Variants in ABCC6 observed in about 807,000 individuals in gnomAD.
ABCC6 encodes the protein ATP-binding cassette sub-family C member 6.
A neutral mutation model predicts 169.5 loss-of-function variants in ABCC6; 126 were observed. The observed-to-expected ratio is 0.74, with a 90% CI of 0.64 to 0.86. The LOEUF is 0.86. ABCC6 is among the 40% of genes least tolerant of loss of function. The pLI is 0.00. For synonymous variants in ABCC6, 752 were observed against 814.7 expected, an observed-to-expected ratio of 0.92 and a Z score of 1.31; for missense variants, 1,733 against 1,927.2, an observed-to-expected ratio of 0.90 and a Z score of 1.89.
rs193293588 is a variant in ABCC6, at chr16:16,193,250, A to G, written c.1339-328T>C. Reference sequence around the variant, plus strand: ...AGCGCCATGACAGTTTACAAATGCCATGGCAACATCAGGAAGTTACCCTAT... The same window carrying G: ...AGCGCCATGACAGTTTACAAATGCCGTGGCAACATCAGGAAGTTACCCTAT... On this transcript the variant is annotated intron_variant, in intron 10 of 30. Coordinates refer to ENST00000205557, the MANE Select transcript of ABCC6 (RefSeq NM_001171.6). 2.0e-4 allele frequency among the ~76,000 whole-genome samples: 31 copies of G among 152,340 alleles called. 1 individual carries two copies. In the East Asian group the frequency reaches 4.2e-3, roughly 21 times the overall value.
chr16:16,185,254 C>A (rs934077140), intron 14 of ABCC6, among the ~76,000 whole-genome samples: 1 of 152,206 alleles, frequency 6.6e-6, no homozygotes. Flanking sequence ...CAGGGGGAGG[C>A]AAACTGTGGC....
chr16:16,163,171 A>G lies in ABCC6; in HGVS notation c.3328T>C (p.Cys1110Arg). 1.9e-6 allele frequency: 3 copies of G among 1,613,584 alleles called. No individual in the cohort carries two copies. The highest frequency in any genetic ancestry group is 2.5e-6 in the Non-Finnish European group (3 of 1,180,020). The change falls in exon 24 of 31, where the codon TGC becomes CGC. Residue 1110 changes from cysteine (C) to arginine (R), a missense_variant. By Grantham distance (180) the Cys-to-Arg change is radical. This residue lies in a region of ABCC6 where 1,601 missense variants were observed against 1,635.5 expected (regional missense o/e 0.98). Transcript: ENST00000205557. ...GFQSLYVVSS[C>R]QLRRLESASY... ...GCTGACTCCAAGCGTCTCAGCTGGC[A>G]TGAGCTAACCACATACAGGCTCTGA...
intron 7 of ABCC6, among the ~76,000 whole-genome samples, chr16:16,203,833 A>T (rs1213825611): frequency 1.3e-5 from 2 of 152,104 alleles, no homozygotes; most frequent in African/African-American, 2.4e-5. Flanking sequence ...GAGGCCTCTT[A>T]GATGGCCATG....
chr16:16,222,563 T>C (rs2049109900), intron 1 of ABCC6, among the ~76,000 whole-genome samples: 1 of 151,574 alleles, frequency 6.6e-6, no homozygotes, highest in South Asian at 2.1e-4. Context: ...TTTTTTTTTA[T>C]GTTTTGTAGA....
chr16:16,197,484 AG>A (rs1442984989), intron 10 of ABCC6, among the ~76,000 whole-genome samples: 6 of 150,212 alleles, frequency 4.0e-5, no homozygotes, highest in Non-Finnish European at 8.9e-5. Context: ...AGAGAAGGAG[AG>A]GGAAGAGCAG....
Position 16,177,526 on chromosome 16 carries a change from T to C in ABCC6, c.2516A>G (p.Glu839Gly). ...GAIAEMGSYQELLQRKGALMC... is the reference protein window; with the variant it reads ...GAIAEMGSYQGLLQRKGALMC... ...GAGGGCCCCCTTCCTCTGCAGAAGC[T>C]CCTGGTAGGAACCCATCTCTGCGAT... Residue 839 changes from glutamate to glycine, a missense_variant, in exon 19 of 31, where the codon GAG (glutamate) becomes GGG (glycine). Physicochemically the swap from Glu to Gly is moderately conservative, Grantham distance 98. Transcript: ENST00000205557. 1 of 1,614,024 alleles carries C rather than the reference T, an allele frequency of 6.2e-7. No homozygotes were observed. Among genetic ancestry groups the C allele is most frequent in the Non-Finnish European group, 8.5e-7 (1 of 1,179,928 alleles).
intron 19 of ABCC6, 61 bp downstream of exon 19, chr16:16,177,391 G>T: frequency 6.3e-7 from 1 of 1,599,524 alleles, no homozygotes; most frequent in Non-Finnish European, 8.6e-7. Flanking sequence ...GACCCTTCGA[G>T]CCTTTTCCCC....
chr16:16,163,011 G>A lies in ABCC6; in HGVS notation c.3488C>T (p.Pro1163Leu), dbSNP rs142128765. The change falls in exon 24 of 31, where the codon CCG (proline) becomes CTG (leucine). Residue 1163 changes from proline to leucine, a missense_variant. Pro to Leu is a moderately conservative substitution (Grantham distance 98). Coordinates refer to ENST00000205557, the MANE Select transcript of ABCC6 (RefSeq NM_001171.6). ...TTCCTACCTGTCAGCCACCAGTCGCGGGAAACTGATCCTCTGGCTTTCATC... is the reference window on the plus strand; with the variant it reads ...TTCCTACCTGTCAGCCACCAGTCGCAGGAAACTGATCCTCTGGCTTTCATC... ...RVDESQRISF[P>L]RLVADRWLAA... 1.7e-5 allele frequency: 27 copies of A among 1,613,916 alleles called. No individual in the cohort carries two copies. Among genetic ancestry groups the A allele is most frequent in the East Asian group, 4.5e-5 (2 of 44,890 alleles).
At chr16:16,201,913 C>G (rs1567527701) in intron 9 of ABCC6, 88 bp downstream of exon 9, 22 of 1,428,874 alleles carry the variant, frequency 1.5e-5, no homozygotes, top group Non-Finnish European at 2.2e-5. Flanking sequence ...GGACTGAATG[C>G]GTTCTCAGCT....
Position 16,182,915 on chromosome 16 carries a change from C to T in ABCC6, c.1959G>A (p.Val653=). Reference sequence around the variant, plus strand: ...CAACAGCCAGCAGACAGCCCTGGGGCACCGTGAGGTTTATTCTGGACACGC... The same window carrying T: ...CAACAGCCAGCAGACAGCCCTGGGGTACCGTGAGGTTTATTCTGGACACGC... ...PPCLHRINLT[V]PQGCLLAVVG... is the part of the protein sequence containing the mutation. The change falls in exon 16 of 31, where the codon GTG becomes GTA. Residue 653 remains valine, a synonymous_variant. Coordinates refer to ENST00000205557, the MANE Select transcript of ABCC6 (RefSeq NM_001171.6). 2 of 1,614,078 alleles carry T rather than the reference C, an allele frequency of 1.2e-6. No homozygotes were observed. The highest frequency in any genetic ancestry group is 1.7e-6 in the Non-Finnish European group (2 of 1,179,972).
intron 13 of ABCC6, 36 bp from the exon 14 acceptor site, chr16:16,187,247 A>G: frequency 6.3e-7 from 1 of 1,576,654 alleles, no homozygotes; most frequent in Non-Finnish European, 8.7e-7. Flanking sequence ...CCCAGCAAGA[A>G]GAGCAAAGAA....
intron 1 of ABCC6, among the ~76,000 whole-genome samples, chr16:16,222,498 C>T (rs1240943066): frequency 6.6e-6 from 1 of 152,140 alleles, no homozygotes; most frequent in Non-Finnish European, 1.5e-5. Flanking sequence ...CCACCTCGGC[C>T]TCCCAGAGTG....
chr16:16,169,501 G>T (rs2046987805), intron 22 of ABCC6, 145 bp downstream of exon 22: 1 of 958,952 alleles, frequency 1.0e-6, no homozygotes, highest in Non-Finnish European at 1.6e-6. Context: ...TCATCTTAAG[G>T]ACGCAGATCT....
chr16:16,222,311 C>T (rs1273567926), intron 1 of ABCC6, among the ~76,000 whole-genome samples: 2 of 152,318 alleles, frequency 1.3e-5, no homozygotes, highest in African/African-American at 4.8e-5. Flanking sequence ...GACTCTGACC[C>T]AGGCTTATCT....
At chr16:16,166,041 T>C (rs2046864364) in intron 22 of ABCC6, 108 bp from the exon 23 acceptor site, 2 of 1,100,480 alleles carry the variant, frequency 1.8e-6, no homozygotes, top group African/African-American at 3.2e-5. Flanking sequence ...ATCTTATGGC[T>C]TGGCCACCCT....
rs1285433977 is a variant in ABCC6 at position 16,214,645 on chromosome 16, C to T, written c.475-196G>A. Reference sequence around the variant, plus strand: ...TTTAAGACAAAGTCTCACTTGGTCGCCCAGGCTGAAGTGCAGTGGCATGAT... The same window carrying T: ...TTTAAGACAAAGTCTCACTTGGTCGTCCAGGCTGAAGTGCAGTGGCATGAT... On this transcript the variant is annotated intron_variant, in intron 4 of 30. Transcript: ENST00000205557. 1.3e-5 allele frequency among the ~76,000 whole-genome samples: 2 copies of T among 152,094 alleles called. 1 individual carries two copies. Among genetic ancestry groups the T allele is most frequent in the Non-Finnish European group, 2.9e-5 (2 of 68,014 alleles).
intron 21 of ABCC6, among the ~76,000 whole-genome samples, chr16:16,170,429 G>T (rs1463002757): frequency 6.6e-6 from 1 of 152,010 alleles, no homozygotes; most frequent in African/African-American, 2.4e-5. Flanking sequence ...CCCACCATAG[G>T]TCAGGCATGT....
intron 4 of ABCC6, among the ~76,000 whole-genome samples, chr16:16,217,295 AGTTT>A (rs1483529098): frequency 6.6e-6 from 1 of 152,100 alleles, no homozygotes; most frequent in Non-Finnish European, 1.5e-5. Flanking sequence ...TCTCTCAGAA[AGTTT>A]GTTCTGAATT....
chr16:16,153,493 C>CA (rs146628433), intron 29 of ABCC6, among the ~76,000 whole-genome samples: 7,426 of 152,128 alleles, frequency 0.049, 468 homozygotes, highest in African/African-American at 0.14. Context: ...TAGTCACACT[C>CA]AGAGAGACAG....
Sources: gnomAD v4.1 joint callset for allele counts (sites outside exome capture counted in the v4.1 genomes callset) on GRCh38, gnomAD v4.1.1 for gene constraint, gnomAD v4.1.1 regional missense constraint, MANE v1.5 for transcripts, NCBI Gene and HGNC (gene_info 2026-07-23, HGNC 2026-07-21) for gene names.